Variants in FOCAD observed in about 807,000 individuals in gnomAD.
FOCAD encodes the protein KIAA1797.
In FOCAD, 198 loss-of-function variants were observed where a neutral mutation model predicts 225.6. The observed-to-expected ratio is 0.88, with a 90% CI of 0.78 to 0.99. The LOEUF (loss-of-function observed/expected upper bound fraction) is 0.99. FOCAD is among the 50% of genes least tolerant of loss of function. The pLI is 0.00. For synonymous variants in FOCAD, 897 were observed against 755.0 expected (o/e 1.19, Z -3.08); for missense variants, 2,713 against 2,123.6 (o/e 1.28, Z -5.46).
At chr9:20,775,692 G>A (rs530700501) in intron 8 of FOCAD, among the ~76,000 whole-genome samples, 2 of 152,172 alleles carry the variant, frequency 1.3e-5, no homozygotes, top group African/African-American at 4.8e-5. Flanking sequence ...AGTGGCATTC[G>A]TAGACCCAGC....
chr9:20,974,857 C>T (rs1269957222), intron 35 of FOCAD, among the ~76,000 whole-genome samples: 1 of 152,152 alleles, frequency 6.6e-6, no homozygotes, highest in Non-Finnish European at 1.5e-5. Context: ...TCTGGCTCCA[C>T]ATCTGCTTCT....
At chr9:20,682,863 C>T (rs1457146399), upstream of FOCAD, among the ~76,000 whole-genome samples, 22 of 152,162 alleles carry the variant, frequency 1.4e-4, no homozygotes, top group African/African-American at 4.3e-4. Context: ...CTCCGCCTCC[C>T]GGGTTCAAGC....
intron 8 of FOCAD, among the ~76,000 whole-genome samples, chr9:20,771,202 G>A (rs1463970488): frequency 6.6e-6 from 1 of 152,194 alleles, no homozygotes; most frequent in Admixed American, 6.5e-5. Flanking sequence ...AAAAACAAGA[G>A]GATGTTGGGT....
chr9:20,675,414 T>A (rs1295129954), intron 2 of FOCAD, among the ~76,000 whole-genome samples: 1 of 152,216 alleles, frequency 6.6e-6, no homozygotes, highest in East Asian at 1.9e-4. Flanking sequence ...TATTTTGTTA[T>A]CAAATTGGAT....
intron 18 of FOCAD, among the ~76,000 whole-genome samples, chr9:20,871,583 A>G (rs546559482): frequency 2.0e-5 from 3 of 151,764 alleles, no homozygotes; most frequent in Non-Finnish European, 4.4e-5. Context: ...AGAAGTGACC[A>G]GAGGAGTAAA....
intron 30 of FOCAD, 94 bp from the exon 31 acceptor site, chr9:20,948,177 G>A (rs753011461): frequency 1.7e-6 from 2 of 1,152,986 alleles, no homozygotes; most frequent in African/African-American, 1.6e-5. Context: ...AGGAAAGTTA[G>A]CACTAAAAGT....
chr9:20,733,960 A>G (rs897121893), intron 4 of FOCAD, among the ~76,000 whole-genome samples: 2 of 152,196 alleles, frequency 1.3e-5, no homozygotes, highest in Non-Finnish European at 2.9e-5. Flanking sequence ...ATAGTGAGCT[A>G]TGATTGCACC....
At position 20,995,566 on chromosome 9, in the gene FOCAD, G is replaced by A. The variant is rs1258779549; in HGVS notation, c.5343G>A (p.Leu1781=). The change falls in exon 44 of 44, where the codon CTG becomes CTA. Residue 1781 remains leucine (L), a synonymous_variant. Coordinates refer to ENST00000338382, the MANE Select transcript of FOCAD (RefSeq NM_001375567.1). Reference sequence around the variant, plus strand: ...ATTTTGTCCCCTTAGCCACCCTGCTGTCCTTGAGAGTTCTCCCAGAGTTTA... The same window carrying A: ...ATTTTGTCCCCTTAGCCACCCTGCTATCCTTGAGAGTTCTCCCAGAGTTTA... ...QSRDLLKATL[L]SLRVLPEFKK... The A allele has an allele frequency of 1.2e-6, 2 of 1,612,580 alleles. No individual in the cohort carries two copies. Among genetic ancestry groups the A allele is most frequent in the Non-Finnish European group, 1.7e-6 (2 of 1,178,742 alleles).
At chr9:20,865,793 A>T in intron 16 of FOCAD, 133 bp from the exon 17 acceptor site, 1 of 596,210 alleles carries the variant, frequency 1.7e-6, no homozygotes, top group Non-Finnish European at 3.0e-6. Flanking sequence ...TGATGGGTGA[A>T]TACACATTAA....
intron 4 of FOCAD, among the ~76,000 whole-genome samples, chr9:20,737,928 G>A (rs746491348): frequency 6.6e-6 from 1 of 152,146 alleles, no homozygotes; most frequent in Admixed American, 6.5e-5. Context: ...TGATAAATTG[G>A]TGATAGAGCA....
At chr9:20,736,188 G>T (rs929479823) in intron 4 of FOCAD, among the ~76,000 whole-genome samples, 3 of 151,706 alleles carry the variant, frequency 2.0e-5, no homozygotes, top group Non-Finnish European at 2.9e-5. Flanking sequence ...TTTATTTTAT[G>T]AATTTTTTTG....
chr9:20,778,045 G>A (rs1038824978), intron 8 of FOCAD, among the ~76,000 whole-genome samples: 2 of 134,904 alleles, frequency 1.5e-5, no homozygotes, highest in Non-Finnish European at 3.1e-5. Context: ...AGCGGAGATC[G>A]TGCCACAGCA....
intron 15 of FOCAD, among the ~76,000 whole-genome samples, chr9:20,861,017 G>T (rs559160269): frequency 6.1e-4 from 93 of 151,712 alleles, no homozygotes; most frequent in Non-Finnish European, 1.2e-3. Flanking sequence ...CCATTTTCTT[G>T]TGGCATGGCT....
intron 11 of FOCAD, among the ~76,000 whole-genome samples, chr9:20,805,857 A>G (rs558122514): frequency 2.4e-4 from 36 of 152,294 alleles, no homozygotes; most frequent in Non-Finnish European, 3.7e-4. Context: ...AAAATAGGAG[A>G]TAGAAACCCT....
At chr9:20,690,901 T>C (rs1456398150) in intron 1 of FOCAD, among the ~76,000 whole-genome samples, 2 of 142,982 alleles carry the variant, frequency 1.4e-5, no homozygotes, top group African/African-American at 5.3e-5. Context: ...AGTTGACCTG[T>C]CAGCATTTTT....
At position 20,661,241 on chromosome 9, in the gene FOCAD, A is replaced by G. The variant is rs540794652; in HGVS notation, c.-78+2415A>G. 5.7e-4 allele frequency among the ~76,000 whole-genome samples: 87 copies of G among 152,334 alleles called. 1 individual carries two copies. In the South Asian group the frequency reaches 0.018, roughly 31 times the overall value. On this transcript the variant is annotated intron_variant, in intron 2 of 45. Transcript: ENST00000380249. ...GGTTGGGAGACAACCAAAGACTAGT[A>G]AAAGGACTGAGAAGTAGCATGAAGG...
chr9:20,877,609 T>C (rs1241949618), intron 19 of FOCAD, among the ~76,000 whole-genome samples: 3 of 152,134 alleles, frequency 2.0e-5, no homozygotes. Context: ...TCACTATGAC[T>C]GGTGGTTGTG....
chr9:20,821,076 G>A lies in FOCAD; in HGVS notation c.1793+5G>A, dbSNP rs1454227129. On this transcript the variant is annotated splice_donor_5th_base_variant and intron_variant, in intron 14 of 43. Transcript: ENST00000338382. ...CAGAGATATATGTAAGCAGAGGTAT[G>A]ATGTCATTAACTCTTAGGAATGTAT... 6.2e-7 allele frequency: 1 copy of A among 1,611,394 alleles called. No homozygotes were observed. Among genetic ancestry groups the A allele is most frequent in the Non-Finnish European group, 8.5e-7 (1 of 1,178,396 alleles).
rs971157494 is a variant in FOCAD, at chr9:20,872,594, C to CTCCT, written c.2191-2073_2191-2070dup. Reference sequence around the variant, plus strand: ...CCTCCCTCCCTCTCTCCCTCCATAGCTCCTTCCTTCCTTCCTTTCTTTTCT... The same window carrying CTCCT: ...CCTCCCTCCCTCTCTCCCTCCATAGCTCCTTCCTTCCTTCCTTCCTTTCTTTTCT... On this transcript the variant is annotated intron_variant, in intron 18 of 43. Transcript: ENST00000338382. 4.0e-5 allele frequency among the ~76,000 whole-genome samples: 6 copies of CTCCT among 150,368 alleles called. No homozygotes were observed. The South Asian group carries it at 6.3e-4, about 16-fold the overall frequency.
Sources: gnomAD v4.1 joint callset for allele counts (sites outside exome capture counted in the v4.1 genomes callset) on GRCh38, gnomAD v4.1.1 for gene constraint, MANE v1.5 for transcripts, NCBI Gene and HGNC (gene_info 2026-07-23, HGNC 2026-07-21) for gene names.